Variants in ERBB4 observed in about 807,000 individuals in gnomAD.
ERBB4 encodes receptor tyrosine-protein kinase erbB-4.
Under a neutral mutation model 158.0 loss-of-function variants are expected in ERBB4, and 42 were observed. The observed-to-expected ratio is 0.27, with a 90% confidence interval of 0.21 to 0.34. The LOEUF (loss-of-function observed/expected upper bound fraction) is 0.34, where lower values mean the gene tolerates loss of function less well. Among genes scored for constraint, ERBB4 ranks in the 10% least tolerant of loss-of-function variants. The pLI is 1.00. For missense variants in ERBB4, 1,333 were observed against 1,624.1 expected (o/e 0.82, Z 3.08); for synonymous variants, 583 against 558.7 (o/e 1.04, Z -0.61).
At chr2:212,455,798 A>G (rs1032388697) in intron 1 of ERBB4, among the ~76,000 whole-genome samples, 11 of 152,206 alleles carry the variant, frequency 7.2e-5, no homozygotes, top group Non-Finnish European at 1.5e-4. Flanking sequence ...ATCCTGTAAG[A>G]ATAAAATAAG....
intron 18 of ERBB4, among the ~76,000 whole-genome samples, chr2:211,622,183 A>G (rs1165995123): frequency 6.6e-6 from 1 of 152,224 alleles, no homozygotes; most frequent in Non-Finnish European, 1.5e-5. Flanking sequence ...TAAAATTATT[A>G]AAGATGTAAA....
chr2:211,946,263 C>T (rs1236075341), intron 3 of ERBB4, among the ~76,000 whole-genome samples: 1 of 151,936 alleles, frequency 6.6e-6, no homozygotes, highest in African/African-American at 2.4e-5. Flanking sequence ...AATTTTATTT[C>T]ATATGTCTGG....
At chr2:212,405,533 A>G (rs1190073370) in intron 1 of ERBB4, among the ~76,000 whole-genome samples, 1 of 152,064 alleles carries the variant, frequency 6.6e-6, no homozygotes, top group African/African-American at 2.4e-5. Context: ...ACACATGCAC[A>G]CGAATGTTCA....
At chr2:212,276,392 C>T (rs1255437507) in intron 1 of ERBB4, among the ~76,000 whole-genome samples, 3 of 151,722 alleles carry the variant, frequency 2.0e-5, no homozygotes, top group African/African-American at 7.3e-5. Context: ...TTTCTGTTCC[C>T]AATTCAAGAG....
chr2:212,230,628 T>G (rs1400710778), intron 1 of ERBB4, among the ~76,000 whole-genome samples: 1 of 152,312 alleles, frequency 6.6e-6, no homozygotes, highest in East Asian at 1.9e-4. Context: ...CCTACTTAAA[T>G]GTATGACAGT....
At chr2:211,861,051 A>ATT (rs2078011885) in intron 3 of ERBB4, among the ~76,000 whole-genome samples, 2 of 6,644 alleles carry the variant, frequency 3.0e-4, no homozygotes, top group African/African-American at 9.5e-4. Context: ...TTATATATTT[A>ATT]TATATATATA....
chr2:212,034,583 T>G (rs2076972714), intron 2 of ERBB4, among the ~76,000 whole-genome samples: 1 of 152,124 alleles, frequency 6.6e-6, no homozygotes, highest in Non-Finnish European at 1.5e-5. Flanking sequence ...TATAGTCATG[T>G]ATTTCTTTAT....
intron 20 of ERBB4, among the ~76,000 whole-genome samples, chr2:211,510,390 T>A (rs1307066242): frequency 2.6e-5 from 4 of 152,034 alleles, no homozygotes; most frequent in African/African-American, 9.7e-5. Context: ...GTGCGATGGT[T>A]AAACTAGAAG....
intron 3 of ERBB4, among the ~76,000 whole-genome samples, chr2:211,833,506 G>A (rs570534017): frequency 6.6e-6 from 1 of 152,048 alleles, no homozygotes; most frequent in African/African-American, 2.4e-5. Context: ...AAGGAGAATG[G>A]ACTACAATGA....
chr2:212,537,562 T>C (rs1218508949), intron 1 of ERBB4, among the ~76,000 whole-genome samples: 10 of 151,842 alleles, frequency 6.6e-5, no homozygotes, highest in African/African-American at 2.4e-4. Flanking sequence ...CGCGCACCCA[T>C]CGCCGCTGCC....
In ERBB4 at chr2:211,726,776, A is replaced by G. The variant is rs1164749920; in HGVS notation, c.623-1582T>C. On this transcript the variant is annotated intron_variant, in intron 5 of 27. Transcript: ENST00000342788. Reference sequence around the variant, plus strand: ...GGCTTGAACCTGTAAGCCAACGCCTATAAATCAGTGTTGATTCACAGTATG... The same window carrying G: ...GGCTTGAACCTGTAAGCCAACGCCTGTAAATCAGTGTTGATTCACAGTATG... Among the ~76,000 whole-genome samples, 2 of 152,152 alleles carry G rather than the reference A, an allele frequency of 1.3e-5. 1 individual carries two copies. The highest frequency in any genetic ancestry group is 2.9e-5 in the Non-Finnish European group (2 of 68,006).
intron 20 of ERBB4, among the ~76,000 whole-genome samples, chr2:211,561,177 G>A (rs942828307): frequency 6.6e-6 from 1 of 152,164 alleles, no homozygotes; most frequent in Non-Finnish European, 1.5e-5. Context: ...TGATAAGAAT[G>A]CTTTGTTTAG....
chr2:211,945,460 CA>C (rs1553518134), intron 3 of ERBB4, among the ~76,000 whole-genome samples: 2 of 151,888 alleles, frequency 1.3e-5, no homozygotes, highest in East Asian at 1.9e-4. Context: ...AATTCATACT[CA>C]AAAAAATTAA....
intron 2 of ERBB4, among the ~76,000 whole-genome samples, chr2:212,032,806 G>A (rs2076932270): frequency 1.3e-5 from 2 of 151,730 alleles, no homozygotes; most frequent in South Asian, 2.1e-4. Flanking sequence ...GCTAGAGAGT[G>A]GTTCCTGAAA....
intron 1 of ERBB4, among the ~76,000 whole-genome samples, chr2:212,523,219 T>G (rs1408825007): frequency 6.6e-6 from 1 of 151,892 alleles, no homozygotes; most frequent in African/African-American, 2.4e-5. Context: ...TCCTTTTGAT[T>G]TTCAGTTTCC....
intron 1 of ERBB4, among the ~76,000 whole-genome samples, chr2:212,317,880 C>T (rs1486190309): frequency 6.6e-6 from 1 of 151,394 alleles, no homozygotes; most frequent in Non-Finnish European, 1.5e-5. Flanking sequence ...AGAAGTTTAA[C>T]AAATAGAAAC....
intron 25 of ERBB4, among the ~76,000 whole-genome samples, chr2:211,396,807 T>C (rs2062928987): frequency 6.6e-6 from 1 of 152,204 alleles, no homozygotes; most frequent in Non-Finnish European, 1.5e-5. Context: ...TATGCTAGTT[T>C]ATGCAAACTG....
chr2:212,417,988 A>G (rs1405974529), intron 1 of ERBB4, among the ~76,000 whole-genome samples: 2 of 151,836 alleles, frequency 1.3e-5, no homozygotes, highest in Non-Finnish European at 3.0e-5. Flanking sequence ...ATAAAAAGAG[A>G]AAGAGGCACC....
intron 16 of ERBB4, among the ~76,000 whole-genome samples, chr2:211,642,760 CTTT>C (rs892502693): frequency 1.4e-4 from 22 of 152,142 alleles, no homozygotes; most frequent in African/African-American, 5.3e-4. Flanking sequence ...TACTTACAAA[CTTT>C]TTATCTTAAA....
Sources: allele counts gnomAD v4.1 joint callset (sites outside exome capture counted in the v4.1 genomes callset), GRCh38; gene constraint gnomAD v4.1.1; transcripts MANE v1.5; gene names NCBI Gene and HGNC (gene_info 2026-07-23, HGNC 2026-07-21).